Variants in ZNF385D observed in about 807,000 individuals in gnomAD.
ZNF385D encodes the protein zinc finger protein 385D.
In ZNF385D, 15 loss-of-function variants were observed where a neutral mutation model predicts 35.8. That is an observed-to-expected ratio of 0.42 (90% CI 0.28 to 0.64). The LOEUF is 0.64. Ranked by LOEUF, ZNF385D falls within the 30% of genes least tolerant of loss-of-function variation. The pLI is 0.23. For missense variants in ZNF385D, 474 were observed against 494.6 expected (o/e 0.96, Z 0.39); for synonymous variants, 212 against 186.8 (o/e 1.13, Z -1.10).
chr3:22,242,668 G>T (rs1358479299), intron 2 of ZNF385D, among the ~76,000 whole-genome samples: 6 of 150,920 alleles, frequency 4.0e-5, no homozygotes, highest in Non-Finnish European at 7.4e-5. Flanking sequence ...ACACAGCATG[G>T]TATTCTAAAC....
chr3:21,685,076 G>T lies in ZNF385D; in HGVS notation c.23-20048C>A, dbSNP rs139313495. On this transcript the variant is annotated intron_variant, in intron 1 of 7. Coordinates refer to ENST00000281523, the MANE Select transcript of ZNF385D (RefSeq NM_024697.3). The stretch of plus-strand genomic sequence containing the variant: ...CATTTCTAACTTGTATGTGATAAAG[G>T]AATATACGTTTTTAACGCTAAGAAA... Among the ~76,000 whole-genome samples the T allele has an allele frequency of 5.9e-3, 899 of 152,220 alleles. 11 individuals are homozygous for T. The highest frequency in any genetic ancestry group is 0.021 in the African/African-American group (865 of 41,552).
At chr3:21,756,917 C>G (rs1423786072) in intron 3 of ZNF385D, among the ~76,000 whole-genome samples, 1 of 152,090 alleles carries the variant, frequency 6.6e-6, no homozygotes, top group African/African-American at 2.4e-5. Context: ...TGTGTAGACA[C>G]TGCTATAAAC....
chr3:21,901,718 A>G (rs1430081447), intron 3 of ZNF385D, among the ~76,000 whole-genome samples: 1 of 152,172 alleles, frequency 6.6e-6, no homozygotes, highest in Non-Finnish European at 1.5e-5. Context: ...GTGTTCGACC[A>G]ATGTATTAAC....
chr3:22,206,956 T>C (rs1609174), intron 2 of ZNF385D, among the ~76,000 whole-genome samples: 19,077 of 151,668 alleles, frequency 0.13, 1,549 homozygotes, highest in Middle Eastern at 0.23. Context: ...TACCGAAGAC[T>C]ACAAAATGAA....
intron 3 of ZNF385D, among the ~76,000 whole-genome samples, chr3:22,129,033 T>C (rs1476928612): frequency 1.3e-5 from 2 of 152,200 alleles, no homozygotes; most frequent in Non-Finnish European, 2.9e-5. Context: ...TGCAGCCATA[T>C]GGGCATTAGG....
intron 3 of ZNF385D, among the ~76,000 whole-genome samples, chr3:21,789,372 G>A (rs1051552954): frequency 6.6e-6 from 1 of 152,156 alleles, no homozygotes; most frequent in East Asian, 1.9e-4. Context: ...CAAAGTGGCA[G>A]CTTCCACTGA....
At chr3:22,094,861 C>A (rs975725628) in intron 3 of ZNF385D, among the ~76,000 whole-genome samples, 1 of 152,044 alleles carries the variant, frequency 6.6e-6, no homozygotes, top group African/African-American at 2.4e-5. Flanking sequence ...GGCACAGCCT[C>A]ATGGTTGCCA....
chr3:21,550,605 C>T (rs918244110), intron 3 of ZNF385D, among the ~76,000 whole-genome samples: 1 of 152,276 alleles, frequency 6.6e-6, no homozygotes, highest in African/African-American at 2.4e-5. Context: ...GCCTCAGCCT[C>T]CTTAGTAGCT....
chr3:22,036,181 G>A (rs1489765013), intron 3 of ZNF385D, among the ~76,000 whole-genome samples: 1 of 152,150 alleles, frequency 6.6e-6, no homozygotes, highest in Non-Finnish European at 1.5e-5. Flanking sequence ...GAGAATCTCA[G>A]GTGAAAGGGA....
intron 5 of ZNF385D, among the ~76,000 whole-genome samples, chr3:21,429,955 A>G (rs1701217120): frequency 6.6e-6 from 1 of 151,988 alleles, no homozygotes; most frequent in Non-Finnish European, 1.5e-5. Context: ...TATTTATGAT[A>G]TTTGGTATAA....
In ZNF385D at chr3:21,899,267, T is replaced by G. The variant is rs1180423709; in HGVS notation, c.326-234239A>C. ...CAATAGTGCCACAGTTGAGAAACCC[T>G]GTCTTAGGATTTAGCTCACCCTCCC... On this transcript the variant is annotated intron_variant, in intron 3 of 5. Coordinates refer to the ZNF385D transcript ENST00000494108. Among the ~76,000 whole-genome samples, 30 of 152,098 alleles carry G rather than the reference T, an allele frequency of 2.0e-4. 1 individual carries two copies. The highest frequency in any genetic ancestry group is 2.0e-3 in the Admixed American group (30 of 15,246).
chr3:22,370,419 C>T (rs1660719242), intron 2 of ZNF385D, among the ~76,000 whole-genome samples: 1 of 152,120 alleles, frequency 6.6e-6, no homozygotes, highest in African/African-American at 2.4e-5. Context: ...CTAAAGCTGG[C>T]AGTCCGAATT....
chr3:21,592,783 A>G (rs763460739), intron 2 of ZNF385D, among the ~76,000 whole-genome samples: 1 of 152,198 alleles, frequency 6.6e-6, no homozygotes, highest in Non-Finnish European at 1.5e-5. Context: ...TTCTAAGTAG[A>G]AAACAGTTAG....
intron 5 of ZNF385D, among the ~76,000 whole-genome samples, chr3:21,426,171 A>G (rs341844): frequency 0.58 from 88,001 of 152,076 alleles, 25,917 homozygotes; most frequent in East Asian, 0.84. Flanking sequence ...TTCTAAACAG[A>G]ATACAAACAA....
chr3:21,989,014 G>A (rs1020686200), intron 3 of ZNF385D, among the ~76,000 whole-genome samples: 9 of 151,972 alleles, frequency 5.9e-5, no homozygotes, highest in African/African-American at 9.7e-5. Context: ...GCTTCGGCTC[G>A]CGCACGGTGC....
At chr3:21,743,543 T>C (rs1437335749) in intron 1 of ZNF385D, among the ~76,000 whole-genome samples, 2 of 152,228 alleles carry the variant, frequency 1.3e-5, no homozygotes, top group Non-Finnish European at 2.9e-5. Context: ...GGTTTGGTTT[T>C]GGTTAGGCTT....
At chr3:21,551,801 A>G (rs1293042215) in intron 3 of ZNF385D, among the ~76,000 whole-genome samples, 1 of 152,210 alleles carries the variant, frequency 6.6e-6, no homozygotes, top group Non-Finnish European at 1.5e-5. Flanking sequence ...AATGCAAGCA[A>G]TATTAATTTA....
intron 3 of ZNF385D, among the ~76,000 whole-genome samples, chr3:22,100,472 G>A (rs1013699123): frequency 1.3e-5 from 2 of 151,688 alleles, no homozygotes; most frequent in Non-Finnish European, 1.5e-5. Context: ...AGAAAATGTG[G>A]CACATATACA....
rs565387963 is a variant in ZNF385D, at chr3:22,298,280, G to T, written c.106+74170C>A. 7.7e-4 allele frequency among the ~76,000 whole-genome samples: 116 copies of T among 151,518 alleles called. 1 individual carries two copies. The highest frequency in any genetic ancestry group is 2.5e-3 in the African/African-American group (104 of 41,398). On this transcript the variant is annotated intron_variant, in intron 2 of 5. Coordinates refer to the ZNF385D transcript ENST00000494108. Reference sequence around the variant, plus strand: ...TCATAAGTCATAAGGTGACTTAAAGGTTACTGTACAATGTTCCATTTAAAA... The same window carrying T: ...TCATAAGTCATAAGGTGACTTAAAGTTTACTGTACAATGTTCCATTTAAAA...
Sources: allele counts gnomAD v4.1 joint callset (sites outside exome capture counted in the v4.1 genomes callset), GRCh38; gene constraint gnomAD v4.1.1; transcripts MANE v1.5; gene names NCBI Gene and HGNC (gene_info 2026-07-23, HGNC 2026-07-21).